The following BABAM2 variants were observed in gnomAD, a reference collection of about 807,000 sequenced individuals.
BABAM2 encodes the protein BRISC and BRCA1-A complex member 2.
Under a neutral mutation model 54.7 loss-of-function variants are expected in BABAM2, and 31 were observed. The ratio of observed to expected loss-of-function variants is 0.57; its 90% CI spans 0.43 to 0.77. The LOEUF (loss-of-function observed/expected upper bound fraction) is 0.77. Ranked by LOEUF, BABAM2 falls within the 30% of genes least tolerant of loss-of-function variation. BABAM2 has a pLI of 0.00. For synonymous variants in BABAM2, 167 were observed against 162.9 expected (o/e 1.03, Z -0.19); for missense variants, 364 against 455.8 (o/e 0.80, Z 1.83).
At chr2:28,312,117 C>T (rs536161348) in intron 11 of BABAM2, among the ~76,000 whole-genome samples, 4 of 152,220 alleles carry the variant, frequency 2.6e-5, no homozygotes, top group Admixed American at 6.5e-5. Context: ...AGGGCCAAGC[C>T]GCTTGTTTCT....
chr2:28,061,076 A>G (rs559016931), intron 6 of BABAM2, among the ~76,000 whole-genome samples: 1 of 152,304 alleles, frequency 6.6e-6, no homozygotes, highest in South Asian at 2.1e-4. Flanking sequence ...GATTTCAAAG[A>G]CTTATTATAA....
At chr2:28,213,142 A>G (rs1434575172) in intron 7 of BABAM2, among the ~76,000 whole-genome samples, 1 of 152,046 alleles carries the variant, frequency 6.6e-6, no homozygotes, top group Non-Finnish European at 1.5e-5. Flanking sequence ...TATGAGGATC[A>G]CTTGAGCCCA....
intron 10 of BABAM2, among the ~76,000 whole-genome samples, chr2:28,267,721 G>A (rs559351138): frequency 9.5e-4 from 145 of 152,340 alleles, no homozygotes; most frequent in African/African-American, 3.2e-3. Flanking sequence ...CATGGCAGGG[G>A]CCATAGGGGT....
intron 5 of BABAM2, among the ~76,000 whole-genome samples, chr2:28,035,338 G>A (rs1676587941): frequency 6.6e-6 from 1 of 152,164 alleles, no homozygotes; most frequent in Non-Finnish European, 1.5e-5. Context: ...GAGCCTGGAA[G>A]TGGATGGCCT....
At position 28,298,338 on chromosome 2, in the gene BABAM2, T is replaced by C; in HGVS notation, c.935T>C (p.Ile312Thr). Residue 312 changes from isoleucine (I) to threonine (T), a missense_variant and splice_region_variant, in exon 11 of 12, where the codon ATT becomes ACT. By Grantham distance (89) the Ile-to-Thr change is moderately conservative. Transcript: ENST00000379624. ...CTTTTTCTTTCTTCTGTCTTTGCAG[T>C]TGACCTGCCTCTGTTTTTCCCTCGA... ...MWKDFCFLVH[I>T]DLPLFFPRDQ... 11 of 1,613,752 alleles carry C rather than the reference T, an allele frequency of 6.8e-6. No individual in the cohort carries two copies. Among genetic ancestry groups the C allele is most frequent in the Non-Finnish European group, 9.3e-6 (11 of 1,179,872 alleles).
In BABAM2 at chr2:28,043,168, G is replaced by A. The variant is rs189802315; in HGVS notation, c.496-2557G>A. ...TTTTTAGACGGAGTCTTGCTCTGTC[G>A]CCCAGGCTAGAGTGCAGTGGTGTGA... On this transcript the variant is annotated intron_variant, in intron 5 of 11. Transcript: ENST00000379624. Among the ~76,000 whole-genome samples, 934 of 147,652 alleles carry A rather than the reference G, an allele frequency of 6.3e-3. 9 individuals carry two copies. Among genetic ancestry groups the A allele is most frequent in the Non-Finnish European group, 7.8e-3 (525 of 66,998 alleles).
rs181931706 is a variant in BABAM2, at chr2:28,120,893, G to C, written c.571-8378G>C. Among the ~76,000 whole-genome samples the C allele has an allele frequency of 2.1e-3, 318 of 152,152 alleles. 1 individual carries two copies. Among genetic ancestry groups the C allele is most frequent in the African/African-American group, 7.3e-3 (305 of 41,520 alleles). On this transcript the variant is annotated intron_variant, in intron 6 of 11. Transcript: ENST00000379624. ...CACACCAATTAAGAAAAGAAGGAGA[G>C]AAAGAACTTTTTAAGAAGGGGAATG...
chr2:28,184,727 G>A (rs1441017521), intron 7 of BABAM2, among the ~76,000 whole-genome samples: 1 of 152,068 alleles, frequency 6.6e-6, no homozygotes, highest in African/African-American at 2.4e-5. Flanking sequence ...TATCATTGAT[G>A]GACATTTGGA....
intron 4 of BABAM2, among the ~76,000 whole-genome samples, chr2:28,020,992 A>ACACAC (rs1573407146): frequency 1.1e-5 from 1 of 89,270 alleles, no homozygotes; most frequent in Admixed American, 1.1e-4. Flanking sequence ...CACACACACA[A>ACACAC]ACTACTTGTA....
chr2:28,024,998 T>A (rs1257405254), intron 4 of BABAM2, among the ~76,000 whole-genome samples: 1 of 152,226 alleles, frequency 6.6e-6, no homozygotes, highest in Non-Finnish European at 1.5e-5. Context: ...CTATTCATGA[T>A]GGAATTCCTT....
At position 28,338,840 on chromosome 2, in the gene BABAM2, C is replaced by G. The variant is rs1054762883; in HGVS notation, c.*327C>G. ...AATGCCCACGCCTTTCTTCCAAAGC[C>G]TTTGTCTCTGAGACCTCTTAAGTTC... On this transcript the variant is annotated 3_prime_UTR_variant, in exon 12 of 12. Transcript: ENST00000379624. 11 of 305,784 alleles carry G rather than the reference C, an allele frequency of 3.6e-5. No homozygotes were observed. The highest frequency in any genetic ancestry group is 2.4e-4 in the African/African-American group (11 of 46,060). 18.9% of individuals were successfully genotyped at this position (305,784 alleles called of 1,614,324 possible).
chr2:28,285,068 T>C (rs932125930), intron 10 of BABAM2, among the ~76,000 whole-genome samples: 1 of 152,262 alleles, frequency 6.6e-6, no homozygotes, highest in South Asian at 2.1e-4. Context: ...ATCTGTCAAA[T>C]TCCAAACACC....
intron 7 of BABAM2, chr2:28,134,684 G>A (rs62140459): frequency 0.082 from 12,484 of 152,224 alleles, 723 homozygotes; most frequent in Non-Finnish European, 0.13. Flanking sequence ...GCCCACGAAC[G>A]CTCACTATTA....
At chr2:27,904,518 A>G (rs1243252956) in intron 2 of BABAM2, among the ~76,000 whole-genome samples, 3 of 152,202 alleles carry the variant, frequency 2.0e-5, no homozygotes, top group Admixed American at 6.5e-5. Context: ...GACAACACCC[A>G]TGTATAAAGG....
chr2:27,921,809 T>C (rs1285881068), intron 2 of BABAM2, among the ~76,000 whole-genome samples: 1 of 152,244 alleles, frequency 6.6e-6, no homozygotes, highest in African/African-American at 2.4e-5. Flanking sequence ...TTCTGAGTTG[T>C]GTGTACAGTT....
chr2:28,163,871 C>G (rs909897338), intron 7 of BABAM2, among the ~76,000 whole-genome samples: 1 of 152,218 alleles, frequency 6.6e-6, no homozygotes, highest in Non-Finnish European at 1.5e-5. Context: ...GTGTTTTCCT[C>G]AGGGCACTGC....
chr2:28,280,965 CT>C (rs1273137067), intron 10 of BABAM2, among the ~76,000 whole-genome samples: 2 of 152,190 alleles, frequency 1.3e-5, no homozygotes, highest in Non-Finnish European at 2.9e-5. Context: ...ACATCAGGCT[CT>C]GCTGCAGTGT....
intron 4 of BABAM2, among the ~76,000 whole-genome samples, chr2:28,014,180 A>T (rs747039574): frequency 2.3e-4 from 35 of 152,142 alleles, no homozygotes; most frequent in Non-Finnish European, 4.4e-4. Flanking sequence ...GGGGGGAGGT[A>T]ACATTAAGAT....
intron 2 of BABAM2, among the ~76,000 whole-genome samples, chr2:27,915,836 A>T (rs1666928387): frequency 6.6e-6 from 1 of 151,774 alleles, no homozygotes; most frequent in Non-Finnish European, 1.5e-5. Context: ...TTCCTACTAC[A>T]ATTCTCTCTC....
Sources: gnomAD v4.1 joint callset for allele counts (sites outside exome capture counted in the v4.1 genomes callset) on GRCh38, gnomAD v4.1.1 for gene constraint, MANE v1.5 for transcripts, NCBI Gene and HGNC (gene_info 2026-07-23, HGNC 2026-07-21) for gene names.